ROBO2: variants seen among roughly 807,000 people sequenced by gnomAD.
The protein encoded by ROBO2 is roundabout guidance receptor 2.
In ROBO2, 53 loss-of-function variants were observed where a neutral mutation model predicts 160.8. The observed-to-expected ratio is 0.33, with a 90% CI of 0.26 to 0.41. The LOEUF is 0.41. Among genes scored for constraint, ROBO2 ranks in the 10% least tolerant of loss-of-function variants. The pLI, the probability that ROBO2 is intolerant of heterozygous loss-of-function variation, is 1.00. For synonymous variants in ROBO2, 664 were observed against 611.7 expected, an observed-to-expected ratio of 1.09 and a Z score of -1.26; for missense variants, 1,577 against 1,722.4, an observed-to-expected ratio of 0.92 and a Z score of 1.49.
intron 2 of ROBO2, among the ~76,000 whole-genome samples, chr3:76,832,470 C>T (rs115453105): frequency 9.2e-5 from 14 of 152,120 alleles, no homozygotes; most frequent in African/African-American, 2.6e-4. Context: ...GGAATGACAA[C>T]GTTTAATGCA....
chr3:77,304,157 G>A (rs1051906649), intron 2 of ROBO2, among the ~76,000 whole-genome samples: 5 of 152,064 alleles, frequency 3.3e-5, no homozygotes, highest in Non-Finnish European at 7.4e-5. Context: ...GAAGATAAAG[G>A]GTCTGCTTAC....
intron 2 of ROBO2, among the ~76,000 whole-genome samples, chr3:75,959,644 A>G (rs602565): frequency 0.44 from 66,714 of 151,554 alleles, 16,077 homozygotes; most frequent in South Asian, 0.67. Context: ...TTCTATTTAC[A>G]TTTTGAATTG....
intron 2 of ROBO2, among the ~76,000 whole-genome samples, chr3:76,184,926 T>C (rs1045717308): frequency 1.3e-5 from 2 of 151,872 alleles, no homozygotes; most frequent in Non-Finnish European, 2.9e-5. Context: ...CCCCTGCAGA[T>C]TGGATAGTGC....
intron 20 of ROBO2, among the ~76,000 whole-genome samples, chr3:77,606,444 A>G (rs1268371542): frequency 6.6e-6 from 1 of 152,192 alleles, no homozygotes; most frequent in Non-Finnish European, 1.5e-5. Context: ...TAAGCAAAAG[A>G]TGTCTGCTCT....
intron 2 of ROBO2, among the ~76,000 whole-genome samples, chr3:77,385,801 G>T (rs115949477): frequency 6.6e-6 from 1 of 152,230 alleles, no homozygotes; most frequent in African/African-American, 2.4e-5. Flanking sequence ...AAGACACTTT[G>T]TTGCAGAATT....
At chr3:76,322,229 A>C (rs1280494905) in intron 2 of ROBO2, among the ~76,000 whole-genome samples, 1 of 148,118 alleles carries the variant, frequency 6.8e-6, no homozygotes, top group Non-Finnish European at 1.5e-5. Flanking sequence ...ATATACACAC[A>C]GACATTATAT....
chr3:76,994,788 C>G (rs1399838514), intron 2 of ROBO2, among the ~76,000 whole-genome samples: 1 of 152,030 alleles, frequency 6.6e-6, no homozygotes. Flanking sequence ...TTCCATAAAC[C>G]ACAGATGTGC....
chr3:77,123,840 A>T (rs1454239107), intron 2 of ROBO2, among the ~76,000 whole-genome samples: 2 of 149,460 alleles, frequency 1.3e-5, no homozygotes, highest in African/African-American at 4.9e-5. Context: ...ACATAGATAT[A>T]TAATCTATCT....
At chr3:77,150,604 C>G (rs967691268) in intron 2 of ROBO2, among the ~76,000 whole-genome samples, 1 of 151,596 alleles carries the variant, frequency 6.6e-6, no homozygotes, top group Non-Finnish European at 1.5e-5. Context: ...TTTTTTTTCC[C>G]TTGCAAAGAA....
At chr3:76,341,202 A>G (rs2074200386) in intron 2 of ROBO2, among the ~76,000 whole-genome samples, 1 of 152,060 alleles carries the variant, frequency 6.6e-6, no homozygotes, top group Non-Finnish European at 1.5e-5. Flanking sequence ...GAAAAAAAGA[A>G]TAAACACAAA....
At chr3:76,307,620 C>A (rs993488339) in intron 2 of ROBO2, among the ~76,000 whole-genome samples, 5 of 152,102 alleles carry the variant, frequency 3.3e-5, no homozygotes, top group African/African-American at 9.6e-5. Flanking sequence ...ATTCCCTTAC[C>A]TTTCAAGCTT....
intron 2 of ROBO2, among the ~76,000 whole-genome samples, chr3:76,283,151 T>TATATATATATATATATATATATATATAA (rs1219870606): frequency 2.2e-5 from 3 of 137,528 alleles, no homozygotes; most frequent in South Asian, 4.6e-4. Context: ...TATATATATA[T>TATATATATATATATATATATATATATAA]AAAACTACAT....
chr3:76,105,093 T>A (rs1319126588), intron 2 of ROBO2, among the ~76,000 whole-genome samples: 2 of 151,960 alleles, frequency 1.3e-5, no homozygotes, highest in African/African-American at 2.4e-5. Flanking sequence ...AGCTTTCAAA[T>A]GGTTACACAG....
intron 2 of ROBO2, among the ~76,000 whole-genome samples, chr3:76,035,057 T>A (rs908579858): frequency 2.0e-5 from 3 of 152,086 alleles, no homozygotes; most frequent in African/African-American, 7.3e-5. Context: ...TCCTCTTACA[T>A]AGAAGTGACT....
chr3:77,298,562 T>G (rs1270483104), intron 2 of ROBO2, among the ~76,000 whole-genome samples: 1 of 152,104 alleles, frequency 6.6e-6, no homozygotes, highest in Non-Finnish European at 1.5e-5. Context: ...TGGGAGAAGG[T>G]TTACTTCAGT....
At chr3:76,705,881 G>A (rs541615073) in intron 2 of ROBO2, among the ~76,000 whole-genome samples, 1 of 152,080 alleles carries the variant, frequency 6.6e-6, no homozygotes, top group Non-Finnish European at 1.5e-5. Context: ...TGACAATAAT[G>A]ATTAGAATGG....
chr3:76,786,097 T>C (rs1460160723), intron 2 of ROBO2, among the ~76,000 whole-genome samples: 4 of 151,282 alleles, frequency 2.6e-5, no homozygotes, highest in African/African-American at 9.7e-5. Context: ...ATAAGCACTC[T>C]GTTTATTTAT....
chr3:77,316,400 G>T (rs1449428493), intron 2 of ROBO2, among the ~76,000 whole-genome samples: 1 of 152,116 alleles, frequency 6.6e-6, no homozygotes, highest in Non-Finnish European at 1.5e-5. Flanking sequence ...GGAAACCAAG[G>T]TTCGATTCTC....
intron 2 of ROBO2, among the ~76,000 whole-genome samples, chr3:76,726,510 C>G (rs2093555449): frequency 6.6e-6 from 1 of 152,110 alleles, no homozygotes; most frequent in African/African-American, 2.4e-5. Flanking sequence ...CTTCACTTTT[C>G]TGAGTTTACA....
Sources: allele counts gnomAD v4.1 joint callset (sites outside exome capture counted in the v4.1 genomes callset), GRCh38; gene constraint gnomAD v4.1.1; transcripts MANE v1.5; gene names NCBI Gene and HGNC (gene_info 2026-07-23, HGNC 2026-07-21).